The following PLCB1 variants were observed in gnomAD, a reference collection of about 807,000 sequenced individuals.
PLCB1 encodes the protein phospholipase C beta 1.
Under a neutral mutation model 161.8 loss-of-function variants are expected in PLCB1, and 46 were observed. The observed-to-expected ratio is 0.28, with a 90% CI of 0.22 to 0.36. The LOEUF is 0.36. Ranked by LOEUF, PLCB1 falls within the 10% of genes least tolerant of loss-of-function variation. The pLI is 1.00. For missense variants in PLCB1, 1,016 were observed against 1,472.5 expected (o/e 0.69, Z 5.07); for synonymous variants, 517 against 503.7 (o/e 1.03, Z -0.35).
At chr20:8,625,802 C>T (rs1337917448) in intron 3 of PLCB1, among the ~76,000 whole-genome samples, 1 of 152,156 alleles carries the variant, frequency 6.6e-6, no homozygotes, top group Non-Finnish European at 1.5e-5. Context: ...ATTCAATCAG[C>T]AGCATCATTT....
intron 2 of PLCB1, among the ~76,000 whole-genome samples, chr20:8,351,836 A>T (rs1424263091): frequency 6.6e-6 from 1 of 152,182 alleles, no homozygotes; most frequent in East Asian, 1.9e-4. Context: ...AAAATTGATG[A>T]TACTAAGTGT....
At chr20:8,685,246 A>G (rs1478403759) in intron 10 of PLCB1, among the ~76,000 whole-genome samples, 168 bp downstream of exon 10, 2 of 152,182 alleles carry the variant, frequency 1.3e-5, no homozygotes, top group Admixed American at 1.3e-4. Flanking sequence ...ATAAGCAGTC[A>G]TGTCCACATG....
chr20:8,786,796 C>T (rs532624164), intron 27 of PLCB1, among the ~76,000 whole-genome samples: 3 of 151,788 alleles, frequency 2.0e-5, no homozygotes, highest in South Asian at 2.1e-4. Context: ...CTCCACCTCC[C>T]GGATTCAAGT....
chr20:8,151,644 A>G (rs1267499931), intron 2 of PLCB1, among the ~76,000 whole-genome samples: 1 of 152,172 alleles, frequency 6.6e-6, no homozygotes, highest in Non-Finnish European at 1.5e-5. Context: ...GTTATGTGTA[A>G]AACAATGGCT....
At chr20:8,333,064 G>A (rs1159379835) in intron 2 of PLCB1, among the ~76,000 whole-genome samples, 1 of 152,138 alleles carries the variant, frequency 6.6e-6, no homozygotes, top group Non-Finnish European at 1.5e-5. Context: ...TAAAATGTGA[G>A]GAGAAGTGAT....
chr20:8,662,432 T>C (rs1406403563), intron 9 of PLCB1, among the ~76,000 whole-genome samples: 1 of 119,710 alleles, frequency 8.4e-6, no homozygotes, highest in Non-Finnish European at 1.7e-5. Flanking sequence ...TTATTTATTA[T>C]ATAATTATGT....
intron 3 of PLCB1, among the ~76,000 whole-genome samples, chr20:8,506,076 T>C (rs1303805317): frequency 1.3e-5 from 2 of 152,238 alleles, no homozygotes; most frequent in Admixed American, 1.3e-4. Flanking sequence ...GTTTTCTTCC[T>C]TTCTTACTCA....
chr20:8,384,718 TTGTTGTTGATAC>T (rs1264932402), intron 3 of PLCB1, among the ~76,000 whole-genome samples: 2 of 152,210 alleles, frequency 1.3e-5, no homozygotes, highest in African/African-American at 2.4e-5. Context: ...TGGGGATTTT[TTGTTGTTGATAC>T]TGTTGTTGTT....
rs894855901 is a variant in PLCB1, at chr20:8,429,158, A to C, written c.246+57708A>C. Reference sequence around the variant, plus strand: ...CTCGTGGGAGAAGTGACCCAACTACACCTTCCTGCCAGTCTCGAGCATTTT... The same window carrying C: ...CTCGTGGGAGAAGTGACCCAACTACCCCTTCCTGCCAGTCTCGAGCATTTT... On this transcript the variant is annotated intron_variant, in intron 3 of 31. Transcript: ENST00000338037. Among the ~76,000 whole-genome samples, 28 of 152,038 alleles carry C rather than the reference A, an allele frequency of 1.8e-4. 1 individual carries two copies. The South Asian group carries it at 3.9e-3, about 21-fold the overall frequency.
At chr20:8,439,758 G>A (rs1005542478) in intron 3 of PLCB1, among the ~76,000 whole-genome samples, 5 of 151,608 alleles carry the variant, frequency 3.3e-5, no homozygotes, top group African/African-American at 9.7e-5. Context: ...CTTTTCACTG[G>A]TTAGATTTTT....
chr20:8,589,336 T>C (rs1987079063), intron 3 of PLCB1, among the ~76,000 whole-genome samples: 1 of 152,204 alleles, frequency 6.6e-6, no homozygotes, highest in South Asian at 2.1e-4. Context: ...AATTAGACAG[T>C]CCTTGCCTTT....
intron 3 of PLCB1, among the ~76,000 whole-genome samples, chr20:8,552,397 C>T (rs1042240252): frequency 5.3e-5 from 8 of 151,990 alleles, no homozygotes; most frequent in Admixed American, 4.6e-4. Context: ...CCAGTTGCAC[C>T]GTGGTAGATT....
chr20:8,810,587 T>TAAGAATGGATGAAATCCTTGGCATATCTA (rs1984768124), intron 31 of PLCB1, among the ~76,000 whole-genome samples: 1 of 152,194 alleles, frequency 6.6e-6, no homozygotes, highest in Non-Finnish European at 1.5e-5. Flanking sequence ...TTAGATTGCA[T>TAAGAATGGATGAAATCCTTGGCATATCTA]AAGAATGGAT....
intron 31 of PLCB1, among the ~76,000 whole-genome samples, chr20:8,831,896 CTCCCTCTCTTTCTTTCTCTTTCTT>C (rs1985998632): frequency 1.5e-5 from 2 of 130,612 alleles, no homozygotes; most frequent in African/African-American, 5.3e-5. Context: ...CTCTTTCTTT[CTCCCTCTCTTTCTTTCTCTTTCTT>C]TCTTTCTTTC....
chr20:8,708,022 G>T (rs80136051), intron 11 of PLCB1, among the ~76,000 whole-genome samples: 2,293 of 152,132 alleles, frequency 0.015, 48 homozygotes, highest in African/African-American at 0.045. Context: ...AGGTGTGTGG[G>T]GTGGGGTGCA....
At chr20:8,587,004 G>A (rs6086520) in intron 3 of PLCB1, among the ~76,000 whole-genome samples, 20,491 of 152,002 alleles carry the variant, frequency 0.13, 1,433 homozygotes, top group South Asian at 0.19. Flanking sequence ...GGCATAAGCT[G>A]TATAACAATG....
At chr20:8,716,006 G>A in intron 12 of PLCB1, 1 of 389,568 alleles carries the variant, frequency 2.6e-6, no homozygotes, top group Non-Finnish European at 4.6e-6. Context: ...TACAGCAAAT[G>A]ACATGCTGTC....
intron 22 of PLCB1, 119 bp from the exon 23 acceptor site, chr20:8,741,345 G>A (rs1600290384): frequency 1.6e-6 from 1 of 642,628 alleles, no homozygotes; most frequent in East Asian, 2.9e-5. Context: ...ATGGATGGGT[G>A]GGTAGATGGG....
At chr20:8,722,285 T>C in intron 14 of PLCB1, 69 bp from the exon 15 acceptor site, 1 of 1,142,230 alleles carries the variant, frequency 8.8e-7, no homozygotes, top group Non-Finnish European at 1.3e-6. Flanking sequence ...AGGTAAAATA[T>C]GTGTTACAAA....
Sources: allele counts gnomAD v4.1 joint callset (sites outside exome capture counted in the v4.1 genomes callset), GRCh38; gene constraint gnomAD v4.1.1; transcripts MANE v1.5; gene names NCBI Gene and HGNC (gene_info 2026-07-23, HGNC 2026-07-21).